The following DLX4 variants were observed in gnomAD, a reference collection of about 807,000 sequenced individuals.
DLX4 encodes homeobox protein DLX-4.
Under a neutral mutation model 17.1 loss-of-function variants are expected in DLX4, and 13 were observed. The ratio of observed to expected loss-of-function variants is 0.76; its 90% CI spans 0.49 to 1.21. The LOEUF is 1.21. DLX4 is among the 50% of genes most tolerant of loss of function. The pLI is 0.00. For missense variants in DLX4, 297 were observed against 301.4 expected (o/e 0.99, Z 0.11); for synonymous variants, 129 against 140.3 (o/e 0.92, Z 0.57).
At chr17:49,968,764 GCTGA>G (rs1048749259), upstream of DLX4, among the ~76,000 whole-genome samples, 3 of 152,208 alleles carry the variant, frequency 2.0e-5, no homozygotes, top group African/African-American at 7.2e-5. Flanking sequence ...ATTCCGACGC[GCTGA>G]CTAAGCGGTT....
intron 1 of DLX4, among the ~76,000 whole-genome samples, chr17:49,970,034 G>A (rs1356287184): frequency 6.6e-6 from 1 of 152,152 alleles, no homozygotes; most frequent in Non-Finnish European, 1.5e-5. Context: ...GGAGCAGCGG[G>A]GCTGTCTGTA....
chr17:49,970,621 G>A (rs966791845), intron 1 of DLX4, among the ~76,000 whole-genome samples: 1 of 152,220 alleles, frequency 6.6e-6, no homozygotes. Flanking sequence ...TACAATGTGG[G>A]TATGGCATTG....
In DLX4 at chr17:49,969,750, A is replaced by G. The variant is rs138634383; in HGVS notation, c.282A>G (p.Ala94=). 3,791 of 1,588,606 alleles carry G rather than the reference A, an allele frequency of 2.4e-3. 5 individuals are homozygous for G. The highest frequency in any genetic ancestry group is 2.8e-3 in the Non-Finnish European group (3,266 of 1,173,886). The stretch of plus-strand genomic sequence containing the variant: ...CAGAGCACCCTCAGGAACTCGAGGC[A>G]GGTAAGTTCGGCCGTGGAGGCTCTT... ...GPAEHPQELE[A]DSEKPRLSPE... The change falls in exon 1 of 3, where the codon GCA becomes GCG. Residue 94 remains alanine (A), a splice_region_variant and synonymous_variant. Transcript: ENST00000240306.
chr17:49,970,440 G>A (rs1403893427), intron 1 of DLX4, among the ~76,000 whole-genome samples: 1 of 152,200 alleles, frequency 6.6e-6, no homozygotes, highest in African/African-American at 2.4e-5. Context: ...TCCAGCCAAA[G>A]GAGCCGGCCA....
Position 49,973,056 on chromosome 17 carries a change from G to A in DLX4, c.284-17G>A, listed in dbSNP as rs1388081489. ...GCTCCCTCCTCGCCCCCTACACCGT[G>A]TTGTGCTGCCCACCAGACTCGGAGA... On this transcript the variant is annotated splice_polypyrimidine_tract_variant and intron_variant, in intron 1 of 2. Transcript: ENST00000240306. The A allele has an allele frequency of 7.4e-6, 12 of 1,613,804 alleles. No individual in the cohort carries two copies. Among genetic ancestry groups the A allele is most frequent in the Non-Finnish European group, 1.0e-5 (12 of 1,179,870 alleles).
chr17:49,973,889 A>C lies in DLX4; in HGVS notation c.669A>C (p.Gly223=). Residue 223 remains glycine, a synonymous_variant, in exon 3 of 3, where the codon GGA becomes GGC. Transcript: ENST00000240306. ...LPTSGYGNSF[G]AWYQHHSSDV... is the part of the protein sequence containing the mutation. ...CCAGTGGCTATGGCAACAGCTTTGG[A>C]GCCTGGTATCAGCATCACTCCTCAG... The C allele has an allele frequency of 6.2e-7, 1 of 1,612,114 alleles. No individual in the cohort carries two copies. Among genetic ancestry groups the C allele is most frequent in the Non-Finnish European group, 8.5e-7 (1 of 1,179,356 alleles).
In DLX4 at chr17:49,969,492, C is replaced by A. The variant is rs1472096676; in HGVS notation, c.24C>A (p.Leu8=). 7 of 1,600,670 alleles carry A rather than the reference C, an allele frequency of 4.4e-6. No homozygotes were observed. The highest frequency in any genetic ancestry group is 6.0e-6 in the Non-Finnish European group (7 of 1,175,580). MTSLPCP[L]PGRDASKAVF... The stretch of plus-strand genomic sequence containing the variant: ...CAATGACCTCTTTGCCCTGCCCCCT[C>A]CCCGGCCGGGACGCCTCCAAAGCTG... Residue 8 remains leucine (L), a synonymous_variant, in exon 1 of 3, where the codon CTC becomes CTA. Transcript: ENST00000240306.
intron 2 of DLX4, 184 bp from the exon 3 acceptor site, chr17:49,973,517 C>A: frequency 1.0e-6 from 1 of 974,716 alleles, no homozygotes; most frequent in Non-Finnish European, 1.5e-6. Flanking sequence ...GACATGGATA[C>A]TAGCTCAGAG....
chr17:49,973,833 TG>T lies in DLX4; in HGVS notation c.616del (p.Asp206IlefsTer34). ...SPCSPPLPSLWDLPKAGTLPT... is the reference protein window; with the variant it reads ...SPCSPPLPSLXDLPKAGTLPT... ...CTGCTCCCCACCCCTCCCCTCCCTC[TG>T]GGATCTACCCAAGGCAGGGACCCTG... On this transcript the variant is annotated frameshift_variant, in exon 3 of 3. Transcript: ENST00000240306. LOFTEE classifies it high-confidence loss of function. The T allele has an allele frequency of 6.5e-7, 1 of 1,533,440 alleles. No individual in the cohort carries two copies. Among genetic ancestry groups the T allele is most frequent in the Non-Finnish European group, 8.9e-7 (1 of 1,123,264 alleles). The allele number at this position is 1,533,440 out of a possible 1,614,324, so 95.0% of individuals were successfully genotyped here.
chr17:49,971,103 G>A (rs987692689), intron 1 of DLX4, among the ~76,000 whole-genome samples: 1 of 152,182 alleles, frequency 6.6e-6, no homozygotes, highest in African/African-American at 2.4e-5. Context: ...GTTTGTGTGT[G>A]TTATGTGTTT....
rs372922847 is a variant in DLX4 at position 49,973,591 on chromosome 17, C to T, written c.481-110C>T. On this transcript the variant is annotated intron_variant, in intron 2 of 2. Coordinates refer to ENST00000240306, the MANE Select transcript of DLX4 (RefSeq NM_138281.3). The stretch of plus-strand genomic sequence containing the variant: ...AAGCAAATGTTCCCAGCCTAGGGAA[C>T]TGCTGGTCTCCCAGGACTGTGCCTG... 4.8e-4 allele frequency: 648 copies of T among 1,361,822 alleles called. 4 individuals carry two copies. The African/African-American group carries it at 8.3e-3, about 17-fold the overall frequency. The allele number at this position is 1,361,822 out of a possible 1,614,324, so 84.4% of individuals were successfully genotyped here.
chr17:49,972,950 G>C lies in DLX4; in HGVS notation c.284-123G>C. 6.6e-7 allele frequency: 1 copy of C among 1,516,564 alleles called. No homozygotes were observed. 93.9% of individuals were successfully genotyped at this position (1,516,564 alleles called of 1,614,324 possible). On this transcript the variant is annotated intron_variant, in intron 1 of 2. Coordinates refer to ENST00000240306, the MANE Select transcript of DLX4 (RefSeq NM_138281.3). This position sits in a 1 kb window ranked among gnomAD's most constrained non-coding sequence, Gnocchi z 5.4. The stretch of plus-strand genomic sequence containing the variant: ...AGGGGCCAAGGGGGCGATCCTGGTG[G>C]CTGCGCTTTTTGCTATTTGCTGCCG...
At chr17:49,969,794 C>T in intron 1 of DLX4, 43 bp downstream of exon 1, 1 of 1,511,524 alleles carries the variant, frequency 6.6e-7, no homozygotes, top group South Asian at 1.3e-5. Flanking sequence ...TGGGGTTCGG[C>T]TCCTGTGCGC....
Position 49,973,935 on chromosome 17 carries a change from A to G in DLX4, c.715A>G (p.Met239Val), listed in dbSNP as rs777815519. Residue 239 changes from methionine to valine, a missense_variant, in exon 3 of 3, where the codon ATG becomes GTG. Physicochemically the swap from Met to Val is conservative, Grantham distance 21 (BLOSUM62 1). Coordinates refer to ENST00000240306, the MANE Select transcript of DLX4 (RefSeq NM_138281.3). ...HSSDVLASPQ[M>V]M ...CTCAGATGTCCTGGCTTCGCCTCAG[A>G]TGATGTGAATCTGGGGAAGGGCGGG... 6.2e-7 allele frequency: 1 copy of G among 1,603,774 alleles called. No homozygotes were observed.
Position 49,969,228 on chromosome 17 carries a change from G to C in DLX4, c.-241G>C. ...AACCGAACCCGATGGAGAGGAGGGGGCCCCCATGGATTTAGGGGGGGAGGG... is the reference window on the plus strand; with the variant it reads ...AACCGAACCCGATGGAGAGGAGGGGCCCCCCATGGATTTAGGGGGGGAGGG... On this transcript the variant is annotated 5_prime_UTR_variant, in exon 1 of 3. Coordinates refer to ENST00000240306, the MANE Select transcript of DLX4 (RefSeq NM_138281.3). The C allele has an allele frequency of 2.4e-6, 1 of 416,710 alleles. No individual in the cohort carries two copies. The highest frequency in any genetic ancestry group is 4.6e-5 in the Admixed American group (1 of 21,812). The allele number at this position is 416,710 out of a possible 1,614,324, so 25.8% of individuals were successfully genotyped here. A position where few individuals can be genotyped will look rare whatever the true frequency, so the allele number is the denominator to read the frequency against.
upstream of DLX4, among the ~76,000 whole-genome samples, chr17:49,968,749 G>C (rs951333749): frequency 6.6e-6 from 1 of 152,218 alleles, no homozygotes; most frequent in Admixed American, 6.5e-5. Context: ...GCTCAGCAGC[G>C]GCGCATTCCG....
rs1397728624 is a variant in DLX4 at position 49,973,697 on chromosome 17, G to A, written c.481-4G>A. On this transcript the variant is annotated splice_region_variant and splice_polypyrimidine_tract_variant and intron_variant, in intron 2 of 2. Transcript: ENST00000240306. ...TTTCATTCTTTCCCCTTTTCTTCCCGAAGGTAAAGATCTGGTTTCAGAACA... is the reference window on the plus strand; with the variant it reads ...TTTCATTCTTTCCCCTTTTCTTCCCAAAGGTAAAGATCTGGTTTCAGAACA... The A allele has an allele frequency of 7.4e-6, 11 of 1,486,962 alleles. No homozygotes were observed. The highest frequency in any genetic ancestry group is 2.4e-5 in the East Asian group (1 of 41,208). The allele number at this position is 1,486,962 out of a possible 1,614,324, so 92.1% of individuals were successfully genotyped here.
rs940042366 is a variant in DLX4 at position 49,972,974 on chromosome 17, C to G, written c.284-99C>G. ...GGCTGCGCTTTTTGCTATTTGCTGCCGACGGCATGCAGACGAGATGCAAAT... is the reference window on the plus strand; with the variant it reads ...GGCTGCGCTTTTTGCTATTTGCTGCGGACGGCATGCAGACGAGATGCAAAT... On this transcript the variant is annotated intron_variant, in intron 1 of 2. Transcript: ENST00000240306. The surrounding 1 kb of genome is among the most constrained non-coding windows in gnomAD (Gnocchi z 5.4). 3.9e-6 allele frequency: 6 copies of G among 1,541,080 alleles called. No individual in the cohort carries two copies. Among genetic ancestry groups the G allele is most frequent in the Non-Finnish European group, 5.3e-6 (6 of 1,140,396 alleles).
chr17:49,971,462 G>A (rs1323735822), intron 1 of DLX4, among the ~76,000 whole-genome samples: 1 of 152,132 alleles, frequency 6.6e-6, no homozygotes, highest in African/African-American at 2.4e-5. Context: ...GGGAGCAGCG[G>A]GCCTGGAGGG....
Sources: allele counts gnomAD v4.1 joint callset (sites outside exome capture counted in the v4.1 genomes callset), GRCh38; gene constraint gnomAD v4.1.1; non-coding constraint Gnocchi (gnomAD v3.1); transcripts MANE v1.5; gene names NCBI Gene and HGNC (gene_info 2026-07-23, HGNC 2026-07-21).